Variants in SLC71A2 observed in about 807,000 individuals in gnomAD.
SLC71A2 encodes the protein hippocampus abundant transcript-like 1.
the SLC71A2 span, chr9:94,454,107 C>A: frequency 1.4e-6 from 2 of 1,420,794 alleles, no homozygotes; most frequent in Non-Finnish European, 2.0e-6. Flanking sequence ...AACTGCCAGA[C>A]AGATGCCTCT....
chr9:94,446,678 A>G, the SLC71A2 span: 228 of 498,070 alleles, frequency 4.6e-4, 1 homozygote, highest in East Asian at 7.1e-3. Flanking sequence ...TTCCTCAGAA[A>G]GATGGTGATA....
the SLC71A2 span, among the ~76,000 whole-genome samples, chr9:94,396,551 TG>T: frequency 6.6e-6 from 1 of 151,960 alleles, no homozygotes; most frequent in Non-Finnish European, 1.5e-5. Context: ...CAAAGTGGGG[TG>T]GGGTTGGCAA....
At chr9:94,438,082 C>T in the SLC71A2 span, among the ~76,000 whole-genome samples, 1 of 152,042 alleles carries the variant, frequency 6.6e-6, no homozygotes, top group Admixed American at 6.6e-5. Flanking sequence ...GCGTCTGCCA[C>T]CACGCCCGGC....
the SLC71A2 span, among the ~76,000 whole-genome samples, chr9:94,402,705 A>G: frequency 6.6e-6 from 1 of 152,192 alleles, no homozygotes; most frequent in Non-Finnish European, 1.5e-5. Flanking sequence ...ATTTTAGTGA[A>G]GTCCACTATA....
chr9:94,412,568 C>A, the SLC71A2 span, among the ~76,000 whole-genome samples: 165 of 151,192 alleles, frequency 1.1e-3, 1 homozygote, highest in Admixed American at 8.3e-3. Flanking sequence ...AAGATGGAAA[C>A]AACCCAAGTG....
the SLC71A2 span, among the ~76,000 whole-genome samples, chr9:94,422,419 C>G: frequency 6.6e-6 from 1 of 152,198 alleles, no homozygotes; most frequent in Admixed American, 6.5e-5. Context: ...ATCCATTCTG[C>G]TGTTGGACAT....
chr9:94,410,136 C>A, the SLC71A2 span, among the ~76,000 whole-genome samples: 1 of 151,488 alleles, frequency 6.6e-6, no homozygotes, highest in Non-Finnish European at 1.5e-5. Flanking sequence ...CACTTTGTGG[C>A]CCAGGCTAGA....
chr9:94,445,624 GTC>G, the SLC71A2 span, among the ~76,000 whole-genome samples: 945 of 152,044 alleles, frequency 6.2e-3, 8 homozygotes, highest in African/African-American at 0.021. Context: ...TCTATAATAT[GTC>G]TCTCTCTCCC....
chr9:94,455,939 A>G, the SLC71A2 span, among the ~76,000 whole-genome samples: 1 of 152,232 alleles, frequency 6.6e-6, no homozygotes, highest in Non-Finnish European at 1.5e-5. Context: ...TGCGAACTTC[A>G]TTGAGCTTAT....
At chr9:94,459,500 G>C in the SLC71A2 span, 1 of 1,450,156 alleles carries the variant, frequency 6.9e-7, no homozygotes, top group Non-Finnish European at 9.4e-7. Flanking sequence ...TGCTGGATGG[G>C]AGACGCTAGC....
the SLC71A2 span, among the ~76,000 whole-genome samples, chr9:94,414,455 A>G: frequency 1.3e-5 from 2 of 152,214 alleles, no homozygotes; most frequent in African/African-American, 4.8e-5. Context: ...GCTGCCCCTC[A>G]GGCCTTTGAG....
chr9:94,376,565 A>G, the SLC71A2 span, among the ~76,000 whole-genome samples: 2 of 149,144 alleles, frequency 1.3e-5, no homozygotes, highest in East Asian at 4.0e-4. Context: ...TTATTAGTAT[A>G]GTGATTAGAC....
At chr9:94,417,500 A>G in the SLC71A2 span, among the ~76,000 whole-genome samples, 1 of 152,014 alleles carries the variant, frequency 6.6e-6, no homozygotes, top group Non-Finnish European at 1.5e-5. Flanking sequence ...GGTGGTGCAC[A>G]CCTGTAATCC....
the SLC71A2 span, among the ~76,000 whole-genome samples, chr9:94,455,107 A>G: frequency 6.9e-6 from 1 of 145,300 alleles, no homozygotes; most frequent in African/African-American, 2.6e-5. Flanking sequence ...GAGTAAGTAC[A>G]TATGCCCCTT....
the SLC71A2 span, among the ~76,000 whole-genome samples, chr9:94,438,055 A>C: frequency 2.0e-5 from 3 of 152,062 alleles, no homozygotes; most frequent in African/African-American, 7.2e-5. Flanking sequence ...CAGCCTCCTG[A>C]GTAGCTGGGA....
the SLC71A2 span, chr9:94,456,233 A>G: frequency 3.5e-5 from 56 of 1,612,182 alleles, no homozygotes; most frequent in Non-Finnish European, 4.1e-5. Flanking sequence ...CTGTCCTGTC[A>G]TTGCAGGATG....
At chr9:94,406,066 A>T in the SLC71A2 span, among the ~76,000 whole-genome samples, 6 of 63,614 alleles carry the variant, frequency 9.4e-5, no homozygotes, top group East Asian at 5.1e-4. Flanking sequence ...TGCAACTTGA[A>T]TTTTTTTTTT....
the SLC71A2 span, among the ~76,000 whole-genome samples, chr9:94,409,458 A>T: frequency 6.6e-6 from 1 of 150,736 alleles, no homozygotes; most frequent in Non-Finnish European, 1.5e-5. Flanking sequence ...GATTTTGTCG[A>T]TTTTTCTGTA....
chr9:94,383,202 G>A, the SLC71A2 span, among the ~76,000 whole-genome samples: 31 of 114,808 alleles, frequency 2.7e-4, no homozygotes, highest in African/African-American at 9.1e-4. Context: ...TTGTCCCATC[G>A]CCCATGCTAG....
Sources: allele counts gnomAD v4.1 joint callset (sites outside exome capture counted in the v4.1 genomes callset), GRCh38; gene constraint gnomAD v4.1.1; transcripts MANE v1.5; gene names NCBI Gene and HGNC (gene_info 2026-07-23, HGNC 2026-07-21).